The following NR1D2 variants were observed in gnomAD, a reference collection of about 807,000 sequenced individuals.
NR1D2 encodes nuclear receptor subfamily 1 group D member 2.
NR1D2 carries 25 observed loss-of-function variants against 52.2 expected under a neutral mutation model. The ratio of observed to expected loss-of-function variants is 0.48; its 90% CI spans 0.35 to 0.67. NR1D2 has a LOEUF of 0.67. Among genes scored for constraint, NR1D2 ranks in the 30% least tolerant of loss-of-function variants. The probability of loss-of-function intolerance (pLI) is 0.01; values close to 1 mark genes in which losing one functional copy is unlikely to be tolerated. For synonymous variants in NR1D2, 259 were observed against 230.1 expected (o/e 1.13, Z -1.14); for missense variants, 681 against 707.2 (o/e 0.96, Z 0.42).
chr3:23,952,819 A>G (rs906596684), intron 1 of NR1D2, among the ~76,000 whole-genome samples: 1 of 152,012 alleles, frequency 6.6e-6, no homozygotes, highest in African/African-American at 2.4e-5. Context: ...GTTGCACTCA[A>G]ACCCCTTGAG....
intron 1 of NR1D2, among the ~76,000 whole-genome samples, chr3:23,948,766 C>T (rs1296404959): frequency 6.6e-6 from 1 of 152,196 alleles, no homozygotes; most frequent in Non-Finnish European, 1.5e-5. Context: ...TACTTGGGAA[C>T]ACAAACTGTT....
rs548587462 is a variant in NR1D2, at chr3:23,972,454, T to C, written c.1543+4431T>C. 1.8e-4 allele frequency among the ~76,000 whole-genome samples: 27 copies of C among 152,332 alleles called. No homozygotes were observed. In the East Asian group the frequency reaches 5.2e-3, roughly 29 times the overall value. On this transcript the variant is annotated intron_variant, in intron 7 of 7. Transcript: ENST00000312521. Reference sequence around the variant, plus strand: ...TCCTAGTATCATGGAAGGGGAATTATACCTGGAAGGTAAGTTTCTTTTCAG... The same window carrying C: ...TCCTAGTATCATGGAAGGGGAATTACACCTGGAAGGTAAGTTTCTTTTCAG...
At chr3:23,961,465 G>A (rs1359917078) in intron 4 of NR1D2, among the ~76,000 whole-genome samples, 6 of 134,602 alleles carry the variant, frequency 4.5e-5, no homozygotes, top group Non-Finnish European at 9.1e-5. Context: ...GCACCATCTC[G>A]ACGCACTGCA....
intron 1 of NR1D2, among the ~76,000 whole-genome samples, chr3:23,947,698 A>C (rs1017104054): frequency 2.0e-5 from 3 of 152,220 alleles, no homozygotes; most frequent in African/African-American, 7.2e-5. Flanking sequence ...AAGTGTAGGA[A>C]TTTACAATGA....
At chr3:23,958,671 G>C (rs1706150589) in intron 3 of NR1D2, among the ~76,000 whole-genome samples, 1 of 146,328 alleles carries the variant, frequency 6.8e-6, no homozygotes, top group Admixed American at 6.8e-5. Flanking sequence ...AAAAAGCCTG[G>C]ACATGGTGGC....
chr3:23,963,738 C>A (rs974521218), intron 5 of NR1D2, among the ~76,000 whole-genome samples: 1 of 152,080 alleles, frequency 6.6e-6, no homozygotes, highest in Non-Finnish European at 1.5e-5. Context: ...CATGAGTCAC[C>A]ACGCCTGGCC....
chr3:23,963,568 A>G (rs571468659), intron 5 of NR1D2: 42 of 174,038 alleles, frequency 2.4e-4, no homozygotes, highest in South Asian at 9.7e-4. Context: ...TCATGCCTCA[A>G]CCTCCCAAGT....
At chr3:23,974,367 T>C (rs1706671630) in intron 7 of NR1D2, among the ~76,000 whole-genome samples, 1 of 152,196 alleles carries the variant, frequency 6.6e-6, no homozygotes, top group African/African-American at 2.4e-5. Flanking sequence ...GCTATGATGT[T>C]ACGACAACAA....
intron 4 of NR1D2, 99 bp downstream of exon 4, chr3:23,959,914 T>C: frequency 8.9e-7 from 1 of 1,125,498 alleles, no homozygotes; most frequent in Non-Finnish European, 1.2e-6. Flanking sequence ...AAGGACCCTC[T>C]TGTATTTAAG....
intron 6 of NR1D2, among the ~76,000 whole-genome samples, chr3:23,967,440 C>A (rs1259223763): frequency 6.6e-6 from 1 of 151,682 alleles, no homozygotes; most frequent in African/African-American, 2.4e-5. Context: ...CATGGTGAAA[C>A]CCTGCTTCTA....
In NR1D2 at chr3:23,965,150, T is replaced by A. The variant is rs1706404875; in HGVS notation, c.1320T>A (p.Ala440=). Residue 440 remains alanine (A), a synonymous_variant, in exon 6 of 8, where the codon GCT becomes GCA. Coordinates refer to ENST00000312521, the MANE Select transcript of NR1D2 (RefSeq NM_005126.5). The part of the protein sequence containing the change: ...SQHDQVNLLK[A]GTFEVLMVRF... ...ATGACCAGGTCAACCTTTTAAAGGC[T>A]GGGACTTTTGAGGTAGGTTTTATTT... 6.2e-7 allele frequency: 1 copy of A among 1,602,902 alleles called. No individual in the cohort carries two copies. The highest frequency in any genetic ancestry group is 1.8e-5 in the Admixed American group (1 of 56,822).
At chr3:23,952,441 G>C (rs145566035) in intron 1 of NR1D2, among the ~76,000 whole-genome samples, 3,908 of 152,112 alleles carry the variant, frequency 0.026, 81 homozygotes, top group Middle Eastern at 0.037. Flanking sequence ...TGGGCACGGT[G>C]GCTCACACCT....
Position 23,959,740 on chromosome 3 carries a change from A to G in NR1D2, c.442A>G (p.Ile148Val), listed in dbSNP as rs148928938. Residue 148 changes from isoleucine to valine, a missense_variant, in exon 4 of 8, where the codon ATA becomes GTA. Around this residue, in one of 3 missense-constraint regions of NR1D2, gnomAD observed 112 missense variants for 162.3 expected, o/e 0.69. Transcript: ENST00000312521. ...GTGCCTGAAGAATGAAAACTGTTCTATAATGAGAATGAATAGGAACAGATG... is the reference window on the plus strand; with the variant it reads ...GTGCCTGAAGAATGAAAACTGTTCTGTAATGAGAATGAATAGGAACAGATG... ...KKCLKNENCS[I>V]MRMNRNRCQQ... 7.4e-5 allele frequency: 119 copies of G among 1,613,932 alleles called. No homozygotes were observed. The highest frequency in any genetic ancestry group is 9.1e-5 in the Non-Finnish European group (107 of 1,179,880).
chr3:23,949,964 G>GT (rs1705880847), intron 1 of NR1D2, among the ~76,000 whole-genome samples: 1 of 152,184 alleles, frequency 6.6e-6, no homozygotes, highest in Non-Finnish European at 1.5e-5. Flanking sequence ...GTTGACCACT[G>GT]GGTAAGCCCT....
Position 23,962,364 on chromosome 3 carries a change from G to C in NR1D2, c.905G>C (p.Gly302Ala). The change falls in exon 5 of 8, where the codon GGC becomes GCC. Residue 302 changes from glycine (G) to alanine (A), a missense_variant. Physicochemically the swap from Gly to Ala is moderately conservative, Grantham distance 60. Transcript: ENST00000312521. The part of the protein sequence containing the change: ...EQYNLNHDHC[G>A]NGLSSHFPCS... ...TATAATTTAAATCATGATCATTGCG[G>C]CAATGGGCTTAGCAGCCATTTTCCC... 6.2e-7 allele frequency: 1 copy of C among 1,614,082 alleles called. No homozygotes were observed. Among genetic ancestry groups the C allele is most frequent in the Non-Finnish European group, 8.5e-7 (1 of 1,179,972 alleles).
chr3:23,958,803 G>C (rs1417362193), intron 3 of NR1D2, among the ~76,000 whole-genome samples: 1 of 151,678 alleles, frequency 6.6e-6, no homozygotes, highest in African/African-American at 2.4e-5. Context: ...CAAAAAATTA[G>C]CCAGGTATGG....
chr3:23,971,532 G>A (rs1706591231), intron 7 of NR1D2, among the ~76,000 whole-genome samples: 1 of 151,932 alleles, frequency 6.6e-6, no homozygotes, highest in African/African-American at 2.4e-5. Context: ...GCCTCCCAAA[G>A]TGTTGGGATT....
chr3:23,949,029 C>T (rs1013086048), intron 1 of NR1D2, among the ~76,000 whole-genome samples: 4 of 152,098 alleles, frequency 2.6e-5, no homozygotes, highest in African/African-American at 9.7e-5. Context: ...CTCCCTTCTC[C>T]AGTAATTTAC....
chr3:23,950,902 CTT>C (rs1181448290), intron 1 of NR1D2, among the ~76,000 whole-genome samples: 25,498 of 121,240 alleles, frequency 0.21, 1,280 homozygotes, highest in African/African-American at 0.23. Flanking sequence ...CTTTCTTTTT[CTT>C]TTTTTTTTTT....
Sources: gnomAD v4.1 joint callset for allele counts (sites outside exome capture counted in the v4.1 genomes callset) on GRCh38, gnomAD v4.1.1 for gene constraint, gnomAD v4.1.1 regional missense constraint, MANE v1.5 for transcripts, NCBI Gene and HGNC (gene_info 2026-07-23, HGNC 2026-07-21) for gene names.